The following RC3H1 variants were observed in gnomAD, a reference collection of about 807,000 sequenced individuals.
RC3H1 encodes roquin-1.
In RC3H1, 50 loss-of-function variants were observed where a neutral mutation model predicts 138.2. The observed-to-expected ratio is 0.36, with a 90% CI of 0.29 to 0.46. The LOEUF (loss-of-function observed/expected upper bound fraction) is 0.46. Ranked by LOEUF, RC3H1 falls within the 20% of genes least tolerant of loss-of-function variation. The pLI is 1.00. For synonymous variants in RC3H1, 462 were observed against 489.1 expected (o/e 0.94, Z 0.73); for missense variants, 1,031 against 1,388.1 (o/e 0.74, Z 4.09).
chr1:173,973,239 G>A (rs1224969893), intron 7 of RC3H1, among the ~76,000 whole-genome samples: 1 of 152,080 alleles, frequency 6.6e-6, no homozygotes, highest in Non-Finnish European at 1.5e-5. Context: ...TAAACAAAAA[G>A]CTTAAAAAGT....
intron 7 of RC3H1, among the ~76,000 whole-genome samples, chr1:173,974,211 C>T (rs765905846): frequency 7.9e-6 from 1 of 126,876 alleles, no homozygotes; most frequent in African/African-American, 3.0e-5. Flanking sequence ...ACCTGGGAGG[C>T]GGAGGTTGCA....
At chr1:173,973,070 G>C (rs1238603411) in intron 7 of RC3H1, among the ~76,000 whole-genome samples, 1 of 152,190 alleles carries the variant, frequency 6.6e-6, no homozygotes, top group Non-Finnish European at 1.5e-5. Flanking sequence ...TGAAACTTGA[G>C]ATTTTTAAGT....
chr1:173,995,729 T>C lies in RC3H1; in HGVS notation c.-150-2594A>G, dbSNP rs909378886. On this transcript the variant is annotated intron_variant, in intron 1 of 19. Coordinates refer to ENST00000367696, the MANE Select transcript of RC3H1 (RefSeq NM_172071.4). ...CTCACCAATCACACACAGTCCACTA[T>C]GATCTCCTTCAAGGCTCAACTAGGA... is the stretch of plus-strand genomic sequence containing the variant. Among the ~76,000 whole-genome samples, 10 of 152,260 alleles carry C rather than the reference T, an allele frequency of 6.6e-5. No individual in the cohort carries two copies. In the East Asian group the frequency reaches 1.2e-3, roughly 18 times the overall value.
At chr1:174,011,495 T>G (rs923974601) in intron 1 of RC3H1, among the ~76,000 whole-genome samples, 1 of 150,672 alleles carries the variant, frequency 6.6e-6, no homozygotes, top group Non-Finnish European at 1.5e-5. Flanking sequence ...AAATCCAGGT[T>G]TTTTTTTTTC....
In RC3H1 at chr1:173,963,996, A is replaced by C. The variant is rs1359435120; in HGVS notation, c.1808T>G (p.Phe603Cys). Reference protein sequence around the residue: ...YQDPRGAAPPFEPAPYQQGMY... With the variant: ...YQDPRGAAPPCEPAPYQQGMY... ...ACCCTGCTGATAAGGTGCTGGTTCA[A>C]ATGGCGGAGCTGCTCCTCGAGGATC... Residue 603 changes from phenylalanine to cysteine, a missense_variant, in exon 11 of 20, where the codon TTT (phenylalanine) becomes TGT (cysteine). By Grantham distance (205) the Phe-to-Cys change is radical. Transcript: ENST00000367696. 1.9e-6 allele frequency: 3 copies of C among 1,614,158 alleles called. No homozygotes were observed. Among genetic ancestry groups the C allele is most frequent in the Non-Finnish European group, 2.5e-6 (3 of 1,180,026 alleles).
At chr1:173,964,508 C>T (rs1660017675) in intron 10 of RC3H1, among the ~76,000 whole-genome samples, 1 of 151,948 alleles carries the variant, frequency 6.6e-6, no homozygotes, top group South Asian at 2.1e-4. Flanking sequence ...GCTGGGATTA[C>T]AGGCATGTGC....
At chr1:173,975,341 G>A (rs1041289675) in intron 7 of RC3H1, among the ~76,000 whole-genome samples, 21 of 151,892 alleles carry the variant, frequency 1.4e-4, no homozygotes, top group African/African-American at 2.4e-4. Flanking sequence ...TGATCCGCCC[G>A]CCTTGGCCTC....
chr1:173,956,809 A>G (rs1165818239), intron 13 of RC3H1, among the ~76,000 whole-genome samples: 1 of 151,794 alleles, frequency 6.6e-6, no homozygotes, highest in African/African-American at 2.4e-5. Flanking sequence ...AATACATAAT[A>G]AATGGTTATA....
chr1:174,020,963 T>G (rs1230515592), intron 1 of RC3H1, among the ~76,000 whole-genome samples: 2 of 152,144 alleles, frequency 1.3e-5, no homozygotes, highest in Non-Finnish European at 2.9e-5. Flanking sequence ...GAGCCGAGAT[T>G]GTGCCACTGC....
At chr1:173,941,005 A>G (rs558529948) in intron 19 of RC3H1, among the ~76,000 whole-genome samples, 17 of 152,176 alleles carry the variant, frequency 1.1e-4, no homozygotes, top group African/African-American at 4.1e-4. Context: ...TATTTTTAGT[A>G]GAGACGGGGT....
chr1:173,957,086 G>T (rs1185226307), intron 13 of RC3H1, among the ~76,000 whole-genome samples: 2 of 151,896 alleles, frequency 1.3e-5, no homozygotes, highest in Non-Finnish European at 2.9e-5. Flanking sequence ...GCTAATTTTT[G>T]TATTCAGGTT....
intron 1 of RC3H1, among the ~76,000 whole-genome samples, chr1:174,000,895 A>G (rs1661553316): frequency 6.6e-6 from 1 of 152,228 alleles, no homozygotes; most frequent in African/African-American, 2.4e-5. Context: ...AGGTTTTTCC[A>G]GCAATAATAT....
chr1:173,951,925 G>C, intron 14 of RC3H1, 61 bp downstream of exon 14: 1 of 1,478,486 alleles, frequency 6.8e-7, no homozygotes, highest in Non-Finnish European at 9.1e-7. Flanking sequence ...AATGGTAATG[G>C]GTAAAAATTT....
Position 173,978,523 on chromosome 1 carries a change from T to C in RC3H1, c.1067A>G (p.His356Arg). Residue 356 changes from histidine (H) to arginine (R), a missense_variant, in exon 7 of 20, where the codon CAT (histidine) becomes CGT (arginine). Physicochemically the swap from His to Arg is conservative, Grantham distance 29. Around this residue, in one of 7 missense-constraint regions of RC3H1, gnomAD observed 142 missense variants for 224.6 expected, o/e 0.63. Transcript: ENST00000367696. ...GTCAATGTTTGCTAACAGCTCCAAA[T>C]GGGGTCTTAGTCGGTTCAAGTTTGC... is the stretch of plus-strand genomic sequence containing the variant. Reference protein sequence around the residue: ...DPANLNRLRPHLELLANIDPS... With the variant: ...DPANLNRLRPRLELLANIDPS... 3 of 1,614,072 alleles carry C rather than the reference T, an allele frequency of 1.9e-6. No individual in the cohort carries two copies. The highest frequency in any genetic ancestry group is 1.7e-6 in the Non-Finnish European group (2 of 1,179,970).
At chr1:173,995,163 A>C (rs1461665056) in intron 1 of RC3H1, among the ~76,000 whole-genome samples, 2 of 152,148 alleles carry the variant, frequency 1.3e-5, no homozygotes, top group East Asian at 1.9e-4. Flanking sequence ...TTAAGGGAAG[A>C]ATAATGTTTA....
At position 174,022,186 on chromosome 1, in the gene RC3H1, G is replaced by T; in HGVS notation, c.-241C>A. On this transcript the variant is annotated 5_prime_UTR_variant, in exon 1 of 20. Coordinates refer to ENST00000367696, the MANE Select transcript of RC3H1 (RefSeq NM_172071.4). This position sits in a 1 kb window ranked among gnomAD's most constrained non-coding sequence, Gnocchi z 4.2. ...AGCCGCCGCCGCCGCCGAGGCCACC[G>T]TTGACTCTGATTCTGTCCCAGGCCG... 1 of 395,786 alleles carries T rather than the reference G, an allele frequency of 2.5e-6. No homozygotes were observed. Among genetic ancestry groups the T allele is most frequent in the Non-Finnish European group, 4.4e-6 (1 of 224,960 alleles). 24.5% of individuals were successfully genotyped at this position (395,786 alleles called of 1,614,324 possible). A position where few individuals can be genotyped will look rare whatever the true frequency, so the allele number is the denominator to read the frequency against.
At chr1:173,949,760 T>C (rs1659305585) in intron 14 of RC3H1, among the ~76,000 whole-genome samples, 1 of 152,168 alleles carries the variant, frequency 6.6e-6, no homozygotes, top group Non-Finnish European at 1.5e-5. Context: ...TACCTAACAG[T>C]GAAAGATCAG....
At chr1:174,001,448 T>C (rs549273900) in intron 1 of RC3H1, among the ~76,000 whole-genome samples, 1 of 152,292 alleles carries the variant, frequency 6.6e-6, no homozygotes, top group South Asian at 2.1e-4. Flanking sequence ...ATCATCTTTT[T>C]TTGTTTTTGT....
chr1:173,974,144 G>A (rs1660474322), intron 7 of RC3H1, among the ~76,000 whole-genome samples: 1 of 151,936 alleles, frequency 6.6e-6, no homozygotes, highest in Non-Finnish European at 1.5e-5. Context: ...GCTGGGCATG[G>A]TGGCACACGC....
Sources: allele counts gnomAD v4.1 joint callset (sites outside exome capture counted in the v4.1 genomes callset), GRCh38; gene constraint gnomAD v4.1.1; regional missense constraint gnomAD v4.1.1; non-coding constraint Gnocchi (gnomAD v3.1); transcripts MANE v1.5; gene names NCBI Gene and HGNC (gene_info 2026-07-23, HGNC 2026-07-21).